The following TUBGCP6 variants were observed in gnomAD, a reference collection of about 807,000 sequenced individuals.
TUBGCP6 encodes the protein tubulin gamma complex component 6, also known as gamma-tubulin complex component 6.
A neutral mutation model predicts 175.8 loss-of-function variants in TUBGCP6; 161 were observed. The observed-to-expected ratio is 0.92, with a 90% confidence interval of 0.81 to 1.04. TUBGCP6 has a LOEUF of 1.04. TUBGCP6 is among the 50% of genes least tolerant of loss of function. The probability of loss-of-function intolerance (pLI) is 0.00; values close to 1 mark genes in which losing one functional copy is unlikely to be tolerated. For missense variants in TUBGCP6, 2,572 were observed against 2,433.0 expected (o/e 1.06, Z -1.20); for synonymous variants, 1,173 against 1,030.5 (o/e 1.14, Z -2.65).
Position 50,219,705 on chromosome 22 carries a change from G to T in TUBGCP6, c.4254C>A (p.Tyr1418Ter). 6.2e-7 allele frequency: 1 copy of T among 1,613,716 alleles called. No individual in the cohort carries two copies. Among genetic ancestry groups the T allele is most frequent in the Non-Finnish European group, 8.5e-7 (1 of 1,179,962 alleles). The change falls in exon 18 of 25, where the codon TAC (tyrosine) becomes TAA (stop). Residue 1418 changes from tyrosine to a stop codon, truncating the protein, a stop_gained. Transcript: ENST00000248846. LOFTEE classifies it high-confidence loss of function. ...GGTACTGCCCTGCCAGGCCTGCCAG[G>T]TAGGCCTGCTCCCCACCCTGAGCCT... is the stretch of plus-strand genomic sequence containing the variant. ...AAEAQGGEQAYLAGLAGQYHL... is the reference protein window; with the variant it reads ...AAEAQGGEQA
chr22:50,243,712 A>G lies in TUBGCP6; in HGVS notation c.741+7T>C, dbSNP rs2064877689. The G allele has an allele frequency of 2.5e-6, 4 of 1,597,710 alleles. No individual in the cohort carries two copies. The highest frequency in any genetic ancestry group is 2.6e-6 in the Non-Finnish European group (3 of 1,168,954). ...AGAGATGAAAGAGGAAAAACTAAAC[A>G]TTCTACCTTAATAGCCAGCCCAGAG... On this transcript the variant is annotated splice_region_variant and intron_variant, in intron 1 of 24. Transcript: ENST00000248846.
chr22:50,236,188 T>G (rs1431948477), intron 2 of TUBGCP6, among the ~76,000 whole-genome samples: 1 of 151,660 alleles, frequency 6.6e-6, no homozygotes, highest in East Asian at 2.0e-4. Flanking sequence ...CAGGCTGGAG[T>G]GCAGTGGCAC....
At chr22:50,227,390 C>A (rs1242815350) in intron 5 of TUBGCP6, among the ~76,000 whole-genome samples, 1 of 152,120 alleles carries the variant, frequency 6.6e-6, no homozygotes, top group Non-Finnish European at 1.5e-5. Flanking sequence ...CACCTGAGAG[C>A]CCCTCCCATC....
intron 14 of TUBGCP6, 106 bp from the exon 15 acceptor site, chr22:50,222,208 C>A: frequency 7.7e-7 from 1 of 1,300,138 alleles, no homozygotes; most frequent in East Asian, 2.4e-5. Flanking sequence ...GTGCACTGAA[C>A]CAGACAAGGC....
chr22:50,240,426 G>A (rs1379144982), intron 1 of TUBGCP6, 59 bp from the exon 2 acceptor site: 1 of 1,594,962 alleles, frequency 6.3e-7, no homozygotes, highest in African/African-American at 1.3e-5. Context: ...TTCATCCAAG[G>A]GCGATGAGAA....
chr22:50,223,939 A>G, intron 13 of TUBGCP6: 2 of 590,266 alleles, frequency 3.4e-6, no homozygotes, highest in Middle Eastern at 9.2e-4. Context: ...AAACCACCAC[A>G]AGACAACGCG....
At chr22:50,219,526 T>TG in intron 18 of TUBGCP6, 70 bp from the exon 19 acceptor site, 1 of 1,586,282 alleles carries the variant, frequency 6.3e-7, no homozygotes, top group South Asian at 1.1e-5. Flanking sequence ...CCACAGGAGA[T>TG]GGAGCACGTG....
At position 50,233,524 on chromosome 22, in the gene TUBGCP6, G is replaced by T; in HGVS notation, c.908C>A (p.Pro303His). ...KRRCWERVGC[P>H]PGHREEPYLT... ...GTAAGGCTCCTCTCTGTGGCCAGGG[G>T]GGCTGCGAGGGGTGCAGAAGAGAGG... is the stretch of plus-strand genomic sequence containing the variant. Residue 303 changes from proline to histidine, a missense_variant and splice_region_variant, in exon 3 of 25, where the codon CCC (proline) becomes CAC (histidine). Transcript: ENST00000248846. 6.2e-7 allele frequency: 1 copy of T among 1,600,888 alleles called. No homozygotes were observed.
At chr22:50,233,617 G>A in intron 2 of TUBGCP6, 91 bp from the exon 3 acceptor site, 2 of 1,201,212 alleles carry the variant, frequency 1.7e-6, no homozygotes, top group Non-Finnish European at 2.4e-6. Context: ...GGCATGAACA[G>A]AAGAATGGAA....
At chr22:50,225,754 A>T (rs754321754) in intron 10 of TUBGCP6, 40 bp downstream of exon 10, 1 of 1,583,046 alleles carries the variant, frequency 6.3e-7, no homozygotes, top group Non-Finnish European at 8.6e-7. Context: ...AAGCAGAGGC[A>T]GGGGCGAAGA....
Position 50,218,620 on chromosome 22 carries a change from C to T in TUBGCP6, c.4822G>A (p.Val1608Met), listed in dbSNP as rs780401321. 2 of 1,613,786 alleles carry T rather than the reference C, an allele frequency of 1.2e-6. No homozygotes were observed. The highest frequency in any genetic ancestry group is 1.1e-5 in the South Asian group (1 of 91,094). Residue 1608 changes from valine to methionine, a missense_variant and splice_region_variant, in exon 22 of 25, where the codon GTG becomes ATG. By Grantham distance (21) the Val-to-Met change is conservative. Transcript: ENST00000248846. ...ATGACAATGTTGAGAGGCCAGTCCA[C>T]CTGCCAGGAGGCGTGGCTCAGCAGG... Reference protein sequence around the residue: ...VLSCLELRYKVDWPLNIVITE... With the variant: ...VLSCLELRYKMDWPLNIVITE...
intron 6 of TUBGCP6, 40 bp from the exon 7 acceptor site, chr22:50,226,882 C>G: frequency 6.4e-7 from 1 of 1,552,106 alleles, no homozygotes; most frequent in Non-Finnish European, 8.7e-7. Flanking sequence ...CTCAGCGCAC[C>G]CAGCGCTGGG....
At chr22:50,240,158 T>C in intron 2 of TUBGCP6, 46 bp downstream of exon 2, 1 of 1,610,890 alleles carries the variant, frequency 6.2e-7, no homozygotes, top group African/African-American at 1.3e-5. Flanking sequence ...GCCACGCTCA[T>C]GCAGGGGTAG....
intron 3 of TUBGCP6, among the ~76,000 whole-genome samples, chr22:50,231,629 A>G (rs1468343533): frequency 1.3e-5 from 2 of 151,370 alleles, no homozygotes; most frequent in African/African-American, 2.4e-5. Context: ...GGAGGCCGAG[A>G]CGGGCGGATC....
At position 50,219,308 on chromosome 22, in the gene TUBGCP6, G is replaced by C. The variant is rs767048273; in HGVS notation, c.4464C>G (p.Ile1488Met). ...LTLPVLMKRS[I>M]TAPLAAHISL... is the part of the protein sequence containing the mutation. ...CTCACTGGGCGGCCAGCGGTGCCGTGATGGAGCGCTTCATGAGCACGGGCA... is the reference window on the plus strand; with the variant it reads ...CTCACTGGGCGGCCAGCGGTGCCGTCATGGAGCGCTTCATGAGCACGGGCA... Residue 1488 changes from isoleucine (I) to methionine (M), a missense_variant, in exon 19 of 25, where the codon ATC becomes ATG. Physicochemically the swap from Ile to Met is conservative, Grantham distance 10. Coordinates refer to ENST00000248846, the MANE Select transcript of TUBGCP6 (RefSeq NM_020461.4). 5.0e-6 allele frequency: 8 copies of C among 1,604,206 alleles called. No homozygotes were observed. In the Admixed American group the frequency reaches 5.1e-5, roughly 10 times the overall value.
At chr22:50,227,603 G>A (rs984488832) in intron 5 of TUBGCP6, among the ~76,000 whole-genome samples, 2 of 152,210 alleles carry the variant, frequency 1.3e-5, no homozygotes, top group Non-Finnish European at 2.9e-5. Flanking sequence ...CCCGAGCCTG[G>A]TTGCTCACTA....
At chr22:50,232,347 C>A (rs2064703869) in intron 3 of TUBGCP6, among the ~76,000 whole-genome samples, 1 of 145,428 alleles carries the variant, frequency 6.9e-6, no homozygotes, top group Non-Finnish European at 1.5e-5. Context: ...GAATGGGCAA[C>A]AGAGCGAGAC....
rs775389383 is a variant in TUBGCP6 at position 50,218,956 on chromosome 22, G to A, written c.4627-59C>T. 1.3e-4 allele frequency: 200 copies of A among 1,584,550 alleles called. 1 individual carries two copies. Among genetic ancestry groups the A allele is most frequent in the Admixed American group, 6.3e-4 (37 of 58,274 alleles). ...CCCAAGCACATGCCTGGCACTCGCC[G>A]GCACCCCATGGGGCTGTGCCAGAGC... On this transcript the variant is annotated intron_variant, in intron 20 of 24. Coordinates refer to ENST00000248846, the MANE Select transcript of TUBGCP6 (RefSeq NM_020461.4).
chr22:50,238,072 G>A (rs2064797789), intron 2 of TUBGCP6, among the ~76,000 whole-genome samples: 1 of 152,076 alleles, frequency 6.6e-6, no homozygotes, highest in Non-Finnish European at 1.5e-5. Context: ...GGCAGAGGTT[G>A]CAGTGAGCCA....
Sources: allele counts gnomAD v4.1 joint callset (sites outside exome capture counted in the v4.1 genomes callset), GRCh38; gene constraint gnomAD v4.1.1; transcripts MANE v1.5; gene names NCBI Gene and HGNC (gene_info 2026-07-23, HGNC 2026-07-21).